CSMD1: variants seen among roughly 807,000 people sequenced by gnomAD.
The protein encoded by CSMD1 is CUB and Sushi multiple domains 1.
In CSMD1, 213 loss-of-function variants were observed where a neutral mutation model predicts 417.5. That is an observed-to-expected ratio of 0.51 (90% confidence interval 0.46 to 0.57). The LOEUF is 0.57. CSMD1 is among the 20% of genes least tolerant of loss of function. The pLI is 0.00. For synonymous variants in CSMD1, 2,862 were observed against 1,736.8 expected, an observed-to-expected ratio of 1.65 and a Z score of -16.11; for missense variants, 6,923 against 4,529.7, an observed-to-expected ratio of 1.53 and a Z score of -15.17.
chr8:4,191,424 AACAAAAAAC>A (rs1448585611), intron 3 of CSMD1, among the ~76,000 whole-genome samples: 1 of 150,510 alleles, frequency 6.6e-6, no homozygotes, highest in Non-Finnish European at 1.5e-5. Flanking sequence ...AACAAAACAA[AACAAAAAAC>A]ACAAAAAACA....
At chr8:3,441,682 G>C (rs1051630748) in intron 12 of CSMD1, among the ~76,000 whole-genome samples, 2 of 152,056 alleles carry the variant, frequency 1.3e-5, no homozygotes, top group Admixed American at 1.3e-4. Context: ...TGGTGATGCT[G>C]GTGTAAATAA....
At chr8:4,450,271 C>A (rs1160851532) in intron 2 of CSMD1, among the ~76,000 whole-genome samples, 2 of 152,178 alleles carry the variant, frequency 1.3e-5, no homozygotes, top group East Asian at 3.9e-4. Context: ...CAGGAGCACA[C>A]AACATGGGAG....
intron 7 of CSMD1, among the ~76,000 whole-genome samples, chr8:3,641,024 CTTTT>C (rs34851559): frequency 2.5e-4 from 26 of 102,750 alleles, no homozygotes; most frequent in Admixed American, 5.3e-4. Context: ...TCCTTTTTTC[CTTTT>C]TTTTTTTTTT....
chr8:4,472,451 G>A (rs890872052), intron 2 of CSMD1, among the ~76,000 whole-genome samples: 1 of 151,846 alleles, frequency 6.6e-6, no homozygotes, highest in Non-Finnish European at 1.5e-5. Context: ...ATATATTTAA[G>A]GTAATAACAG....
chr8:4,053,651 T>C (rs1350166763), intron 3 of CSMD1, among the ~76,000 whole-genome samples: 2 of 152,160 alleles, frequency 1.3e-5, no homozygotes, highest in Non-Finnish European at 2.9e-5. Context: ...GAGTGTCATA[T>C]ACATAGAAAC....
chr8:3,652,117 T>TACCATCAGAGCGCTTACC (rs754069135), intron 7 of CSMD1, among the ~76,000 whole-genome samples: 8 of 125,818 alleles, frequency 6.4e-5, no homozygotes, highest in Non-Finnish European at 1.4e-4. Flanking sequence ...TCAGCACGCT[T>TACCATCAGAGCGCTTACC]ACCATCAGAG....
intron 49 of CSMD1, among the ~76,000 whole-genome samples, chr8:3,075,756 C>T (rs1046633952): frequency 6.6e-6 from 1 of 151,666 alleles, no homozygotes; most frequent in Non-Finnish European, 1.5e-5. Flanking sequence ...GTAAGAAATA[C>T]ATTGGCTGGG....
chr8:4,118,784 C>T (rs2130934803), intron 3 of CSMD1, among the ~76,000 whole-genome samples: 1 of 152,302 alleles, frequency 6.6e-6, no homozygotes, highest in African/African-American at 2.4e-5. Flanking sequence ...TATAAAGACA[C>T]ATGCACATGT....
At chr8:3,826,241 A>T (rs556400965) in intron 5 of CSMD1, among the ~76,000 whole-genome samples, 1 of 152,168 alleles carries the variant, frequency 6.6e-6, no homozygotes, top group Middle Eastern at 3.2e-3. Flanking sequence ...GAAGTGATGC[A>T]TCTGGTCAGC....
At chr8:3,302,649 C>A (rs1804508242) in intron 25 of CSMD1, among the ~76,000 whole-genome samples, 2 of 152,194 alleles carry the variant, frequency 1.3e-5, no homozygotes, top group Non-Finnish European at 2.9e-5. Context: ...GAATAGCAGG[C>A]ACCCTGTGAG....
intron 7 of CSMD1, among the ~76,000 whole-genome samples, chr8:3,630,551 C>T (rs183016459): frequency 3.1e-4 from 47 of 152,098 alleles, no homozygotes; most frequent in Admixed American, 3.1e-3. Flanking sequence ...CAGGCAAAGC[C>T]AATTAGAGGA....
chr8:3,771,493 T>G (rs1308545049), intron 5 of CSMD1, among the ~76,000 whole-genome samples: 1 of 152,202 alleles, frequency 6.6e-6, no homozygotes, highest in Non-Finnish European at 1.5e-5. Flanking sequence ...TCTCAAGCTC[T>G]CGAACACACA....
At chr8:4,604,424 G>C (rs1340819258) in intron 2 of CSMD1, among the ~76,000 whole-genome samples, 5 of 110,486 alleles carry the variant, frequency 4.5e-5, no homozygotes, top group Non-Finnish European at 5.9e-5. Flanking sequence ...CGTGCGTAAA[G>C]ACTAGGATCT....
At chr8:4,222,284 T>C (rs914518663) in intron 3 of CSMD1, among the ~76,000 whole-genome samples, 1 of 152,140 alleles carries the variant, frequency 6.6e-6, no homozygotes, top group Non-Finnish European at 1.5e-5. Context: ...TTCCCAGGTA[T>C]TGCTTTTAAT....
At chr8:4,824,939 T>C (rs1035131212) in intron 1 of CSMD1, among the ~76,000 whole-genome samples, 1 of 152,098 alleles carries the variant, frequency 6.6e-6, no homozygotes, top group African/African-American at 2.4e-5. Context: ...CCAAGACATT[T>C]CTCGGGAATC....
chr8:3,724,133 T>A (rs1802348191), intron 6 of CSMD1, among the ~76,000 whole-genome samples: 1 of 51,656 alleles, frequency 1.9e-5, no homozygotes, highest in Non-Finnish European at 1.0e-4. Context: ...ACCAGCCTCT[T>A]TCACCATGCC....
chr8:4,987,785 A>G (rs1031514491), intron 1 of CSMD1, among the ~76,000 whole-genome samples: 13 of 152,180 alleles, frequency 8.5e-5, no homozygotes, highest in Non-Finnish European at 1.9e-4. Flanking sequence ...CATCTTGGCT[A>G]AAAGAAAGCC....
chr8:4,325,934 CT>C (rs1799533071), intron 3 of CSMD1, among the ~76,000 whole-genome samples: 1 of 152,060 alleles, frequency 6.6e-6, no homozygotes, highest in Admixed American at 6.6e-5. Flanking sequence ...GCTGGGGCAC[CT>C]TTTTCTGTTC....
chr8:3,257,125 C>T (rs974797927), intron 26 of CSMD1, among the ~76,000 whole-genome samples: 45 of 152,224 alleles, frequency 3.0e-4, no homozygotes, highest in Middle Eastern at 3.4e-3. Context: ...AGTTTGAGAC[C>T]AGCCTGGCCA....
Sources: allele counts gnomAD v4.1 joint callset (sites outside exome capture counted in the v4.1 genomes callset), GRCh38; gene constraint gnomAD v4.1.1; transcripts MANE v1.5; gene names NCBI Gene and HGNC (gene_info 2026-07-23, HGNC 2026-07-21).